TTBK2: variants seen among roughly 807,000 people sequenced by gnomAD.
TTBK2 encodes tau tubulin kinase 2.
In TTBK2, 28 loss-of-function variants were observed where a neutral mutation model predicts 110.8. That is an observed-to-expected ratio of 0.25 (90% CI 0.19 to 0.35). The LOEUF (loss-of-function observed/expected upper bound fraction) is 0.35, where lower values mean the gene tolerates loss of function less well. TTBK2 is among the 10% of genes least tolerant of loss of function. The pLI, the probability that TTBK2 is intolerant of heterozygous loss-of-function variation, is 1.00. For missense variants in TTBK2, 1,369 were observed against 1,500.3 expected, an observed-to-expected ratio of 0.91 and a Z score of 1.45; for synonymous variants, 532 against 527.3, an observed-to-expected ratio of 1.01 and a Z score of -0.12.
In TTBK2 at chr15:42,815,915, T is replaced by A. The variant is rs1401680205; in HGVS notation, c.603+1117A>T. The stretch of plus-strand genomic sequence containing the variant: ...AAAAATATATATATATATTTAAAAA[T>A]ATATATATATTTAAAAATATATATA... On this transcript the variant is annotated intron_variant, in intron 7 of 14. Coordinates refer to ENST00000267890, the MANE Select transcript of TTBK2 (RefSeq NM_173500.4). Among the ~76,000 whole-genome samples the A allele has an allele frequency of 8.4e-4, 84 of 99,986 alleles. 3 individuals carry two copies. The highest frequency in any genetic ancestry group is 2.9e-3 in the African/African-American group (54 of 18,532). The allele number at this position is 99,986 out of a possible 152,430, so 65.6% of individuals were successfully genotyped here. A position where few individuals can be genotyped will look rare whatever the true frequency, so the allele number is the denominator to read the frequency against.
At chr15:42,876,458 C>T (rs1894823498) in intron 2 of TTBK2, among the ~76,000 whole-genome samples, 1 of 152,130 alleles carries the variant, frequency 6.6e-6, no homozygotes, top group Admixed American at 6.6e-5. Context: ...GTCTGACTTA[C>T]ATAAAAGATT....
chr15:42,815,958 A>ATATATATATATATATATATATATATAT (rs1555427627), intron 7 of TTBK2, among the ~76,000 whole-genome samples: 5 of 91,716 alleles, frequency 5.5e-5, no homozygotes, highest in South Asian at 3.4e-4. Flanking sequence ...TTAAAAAAAA[A>ATATATATATATATATATATATATATAT]ATATATATAT....
chr15:42,919,422 G>A (rs2031253628), intron 1 of TTBK2, among the ~76,000 whole-genome samples: 1 of 152,120 alleles, frequency 6.6e-6, no homozygotes. Context: ...ACATCTTTGT[G>A]TTATACTGTG....
At chr15:42,851,308 G>C (rs1286618535) in intron 3 of TTBK2, among the ~76,000 whole-genome samples, 1 of 151,584 alleles carries the variant, frequency 6.6e-6, no homozygotes, top group Non-Finnish European at 1.5e-5. Context: ...CAGCACTCTG[G>C]GTATAAGCCC....
At chr15:42,899,294 G>T (rs1375142226) in intron 1 of TTBK2, among the ~76,000 whole-genome samples, 1 of 151,786 alleles carries the variant, frequency 6.6e-6, no homozygotes, top group African/African-American at 2.4e-5. Context: ...CACTGTGCCT[G>T]GCCAATTTAT....
intron 6 of TTBK2, among the ~76,000 whole-genome samples, chr15:42,823,798 ATTC>A (rs1892413075): frequency 6.6e-6 from 1 of 151,802 alleles, no homozygotes; most frequent in South Asian, 2.1e-4. Context: ...GCCCAAGACA[ATTC>A]TTCTTCTTCC....
At chr15:42,906,568 T>G (rs1323925093) in intron 1 of TTBK2, among the ~76,000 whole-genome samples, 1 of 152,138 alleles carries the variant, frequency 6.6e-6, no homozygotes, top group East Asian at 1.9e-4. Flanking sequence ...CCTGAAACTC[T>G]GAAACTACTA....
At chr15:42,862,754 G>GGC (rs1442673947) in intron 3 of TTBK2, among the ~76,000 whole-genome samples, 7 of 152,198 alleles carry the variant, frequency 4.6e-5, no homozygotes, top group African/African-American at 1.7e-4. Context: ...CAGGCGTGGT[G>GGC]GCGCATGCCT....
chr15:42,778,483 G>A (rs1027812673), intron 11 of TTBK2, among the ~76,000 whole-genome samples: 1 of 152,094 alleles, frequency 6.6e-6, no homozygotes, highest in Non-Finnish European at 1.5e-5. Context: ...GGCCAACATA[G>A]TAAAACCCCA....
At chr15:42,900,608 G>A (rs1231440257) in intron 1 of TTBK2, among the ~76,000 whole-genome samples, 1 of 152,050 alleles carries the variant, frequency 6.6e-6, no homozygotes, top group East Asian at 1.9e-4. Context: ...TATAGTCCCA[G>A]CTACTCGGGA....
chr15:42,795,986 G>A (rs928236056), intron 9 of TTBK2, among the ~76,000 whole-genome samples: 3 of 152,150 alleles, frequency 2.0e-5, no homozygotes, highest in African/African-American at 7.2e-5. Flanking sequence ...TAGTAAAGGT[G>A]ATAAGAACTG....
chr15:42,899,827 A>C (rs1404583041), intron 1 of TTBK2, among the ~76,000 whole-genome samples: 3 of 150,990 alleles, frequency 2.0e-5, no homozygotes, highest in African/African-American at 7.3e-5. Flanking sequence ...GCTTGAATCC[A>C]GGAGGCGGAG....
intron 5 of TTBK2, among the ~76,000 whole-genome samples, chr15:42,829,494 C>T (rs1219474611): frequency 6.6e-6 from 1 of 152,222 alleles, no homozygotes; most frequent in African/African-American, 2.4e-5. Flanking sequence ...GGTTAAGTAA[C>T]TGGCAATGTT....
intron 11 of TTBK2, among the ~76,000 whole-genome samples, chr15:42,777,703 G>A (rs1889994866): frequency 6.6e-6 from 1 of 152,170 alleles, no homozygotes; most frequent in Admixed American, 6.5e-5. Flanking sequence ...AAGCCTGGGG[G>A]CCAGACTACT....
chr15:42,909,031 T>C (rs1278270658), intron 1 of TTBK2, among the ~76,000 whole-genome samples: 1 of 152,248 alleles, frequency 6.6e-6, no homozygotes, highest in Admixed American at 6.5e-5. Context: ...AAGTCTGTGC[T>C]TCTACTGGGC....
At chr15:42,755,838 T>C (rs1595880425) in intron 13 of TTBK2, among the ~76,000 whole-genome samples, 1 of 152,210 alleles carries the variant, frequency 6.6e-6, no homozygotes. Context: ...AAAGTGACCA[T>C]GATAAGAAAA....
intron 9 of TTBK2, chr15:42,798,337 G>C (rs2140883060): frequency 2.2e-6 from 1 of 456,026 alleles, no homozygotes; most frequent in Non-Finnish European, 4.4e-6. Context: ...CCCTCTAAAA[G>C]GCATGTCCCA....
chr15:42,804,317 G>A (rs182142916), intron 9 of TTBK2, among the ~76,000 whole-genome samples: 1 of 151,840 alleles, frequency 6.6e-6, no homozygotes, highest in Non-Finnish European at 1.5e-5. Context: ...GGTAGCACAT[G>A]CCTGTAATCC....
At chr15:42,896,118 G>A (rs1895657039) in intron 1 of TTBK2, among the ~76,000 whole-genome samples, 1 of 151,952 alleles carries the variant, frequency 6.6e-6, no homozygotes, top group African/African-American at 2.4e-5. Context: ...AACCTGAGGT[G>A]AGGAGTTCGA....
Sources: allele counts gnomAD v4.1 joint callset (sites outside exome capture counted in the v4.1 genomes callset), GRCh38; gene constraint gnomAD v4.1.1; transcripts MANE v1.5; gene names NCBI Gene and HGNC (gene_info 2026-07-23, HGNC 2026-07-21).